The following ABCC4 variants were observed in gnomAD, a reference collection of about 807,000 sequenced individuals.
ABCC4 encodes ATP binding cassette subfamily C member 4 (PEL blood group).
ABCC4 carries 102 observed loss-of-function variants against 168.5 expected under a neutral mutation model. That is an observed-to-expected ratio of 0.61 (90% CI 0.52 to 0.71). The LOEUF (loss-of-function observed/expected upper bound fraction) is 0.71, where lower values mean the gene tolerates loss of function less well. ABCC4 is among the 30% of genes least tolerant of loss of function. ABCC4 has a pLI of 0.00. For missense variants in ABCC4, 1,402 were observed against 1,605.8 expected (o/e 0.87, Z 2.17); for synonymous variants, 617 against 590.7 (o/e 1.04, Z -0.65).
chr13:95,250,566 A>G (rs1395745171), intron 1 of ABCC4, among the ~76,000 whole-genome samples: 1 of 152,142 alleles, frequency 6.6e-6, no homozygotes, highest in African/African-American at 2.4e-5. Flanking sequence ...TGCCCAACAC[A>G]GGAAGCCATC....
At chr13:95,133,130 T>TTTG (rs2036029986) in intron 19 of ABCC4, among the ~76,000 whole-genome samples, 1 of 145,554 alleles carries the variant, frequency 6.9e-6, no homozygotes, top group African/African-American at 2.6e-5. Context: ...TTTTTTTTTT[T>TTTG]GGAGACAGAA....
intron 27 of ABCC4, among the ~76,000 whole-genome samples, chr13:95,048,952 G>A (rs138977285): frequency 3.8e-3 from 578 of 152,202 alleles, no homozygotes; most frequent in African/African-American, 0.013. Flanking sequence ...TTAGGGGCCC[G>A]AAGTGGCACT....
At chr13:95,022,602 A>G (rs2031155516) in intron 30 of ABCC4, among the ~76,000 whole-genome samples, 1 of 152,166 alleles carries the variant, frequency 6.6e-6, no homozygotes, top group Admixed American at 6.5e-5. Flanking sequence ...TTTTCCCCAA[A>G]GAAGAATGTG....
At chr13:95,053,814 T>A (rs2032939633) in intron 26 of ABCC4, 1 of 152,454 alleles carries the variant, frequency 6.6e-6, no homozygotes, top group African/African-American at 2.4e-5. Flanking sequence ...CTGTCTCTAC[T>A]AAAAATACAA....
At chr13:95,241,444 CA>C (rs1395300482) in intron 3 of ABCC4, among the ~76,000 whole-genome samples, 1 of 151,752 alleles carries the variant, frequency 6.6e-6, no homozygotes, top group Admixed American at 6.6e-5. Flanking sequence ...CAAAGACCAA[CA>C]AGCAGCATAG....
intron 20 of ABCC4, among the ~76,000 whole-genome samples, chr13:95,092,615 T>A (rs930965683): frequency 6.6e-6 from 1 of 151,962 alleles, no homozygotes; most frequent in East Asian, 1.9e-4. Context: ...AACACCTGCA[T>A]TGAAAAAGCT....
chr13:95,186,171 G>A (rs1226542880), intron 11 of ABCC4, among the ~76,000 whole-genome samples: 2 of 150,882 alleles, frequency 1.3e-5, no homozygotes, highest in African/African-American at 5.0e-5. Flanking sequence ...TTTCTTGAGT[G>A]AGATGTAATT....
At chr13:95,248,940 T>C (rs2040185449) in intron 1 of ABCC4, among the ~76,000 whole-genome samples, 1 of 152,116 alleles carries the variant, frequency 6.6e-6, no homozygotes, top group Non-Finnish European at 1.5e-5. Context: ...CTCGGGAAGC[T>C]GCGGCACAAG....
At chr13:95,171,224 A>G (rs2037463015) in intron 13 of ABCC4, among the ~76,000 whole-genome samples, 2 of 151,888 alleles carry the variant, frequency 1.3e-5, no homozygotes, top group Admixed American at 1.3e-4. Context: ...CATTAGTCCT[A>G]AACAGTCTGA....
chr13:95,055,362 C>T (rs2033013550), intron 26 of ABCC4, among the ~76,000 whole-genome samples: 1 of 152,088 alleles, frequency 6.6e-6, no homozygotes, highest in South Asian at 2.1e-4. Flanking sequence ...GATTTAGTAG[C>T]CTAAGTACAT....
Position 95,041,353 on chromosome 13 carries a change from C to T in ABCC4, c.3735+2329G>A, listed in dbSNP as rs559553810. Among the ~76,000 whole-genome samples, 24 of 152,296 alleles carry T rather than the reference C, an allele frequency of 1.6e-4. 1 individual carries two copies. In the South Asian group the frequency reaches 4.6e-3, roughly 29 times the overall value. ...ACATAAACAAAGCTATTAATTAGGT[C>T]GCAGTTGTTTCCCAACAAGCTTTTT... is the stretch of plus-strand genomic sequence containing the variant. On this transcript the variant is annotated intron_variant, in intron 29 of 30. Transcript: ENST00000645237.
chr13:95,274,749 C>T (rs1346628221), intron 1 of ABCC4, among the ~76,000 whole-genome samples: 1 of 152,174 alleles, frequency 6.6e-6, no homozygotes, highest in Non-Finnish European at 1.5e-5. Flanking sequence ...TCTGCCTCCT[C>T]CTGTGGCCAC....
intron 1 of ABCC4, 89 bp downstream of exon 1, chr13:95,301,152 G>T: frequency 7.7e-7 from 1 of 1,297,900 alleles, no homozygotes; most frequent in Non-Finnish European, 1.1e-6. Flanking sequence ...AGCCGCAGAG[G>T]GCTTGGGCAG....
chr13:95,235,818 C>T (rs1380658328), intron 3 of ABCC4, among the ~76,000 whole-genome samples: 1 of 152,172 alleles, frequency 6.6e-6, no homozygotes, highest in East Asian at 1.9e-4. Flanking sequence ...GAAGAACTGC[C>T]ACTTTGGCTC....
At chr13:95,040,993 G>A (rs776492222) in intron 29 of ABCC4, among the ~76,000 whole-genome samples, 5 of 152,184 alleles carry the variant, frequency 3.3e-5, no homozygotes, top group Admixed American at 6.5e-5. Context: ...TTGTAAGGAC[G>A]GGTGTGCAGG....
intron 21 of ABCC4, among the ~76,000 whole-genome samples, chr13:95,077,333 C>A (rs1452891098): frequency 6.6e-6 from 1 of 151,940 alleles, no homozygotes; most frequent in African/African-American, 2.4e-5. Flanking sequence ...GTTAAGATAA[C>A]TTTTTATTTA....
intron 27 of ABCC4, among the ~76,000 whole-genome samples, chr13:95,051,256 G>A (rs1446929376): frequency 6.6e-6 from 1 of 152,226 alleles, no homozygotes; most frequent in Non-Finnish European, 1.5e-5. Context: ...AGAATTACTG[G>A]CAGGAAACTG....
chr13:95,275,745 G>A (rs1303048279), intron 1 of ABCC4, among the ~76,000 whole-genome samples: 2 of 31,674 alleles, frequency 6.3e-5, no homozygotes, highest in African/African-American at 2.1e-4. Flanking sequence ...GTAAGTTTCT[G>A]TCTCAAAAAA....
chr13:95,025,584 A>G (rs1302575572), intron 30 of ABCC4, among the ~76,000 whole-genome samples: 1 of 150,270 alleles, frequency 6.7e-6, no homozygotes, highest in East Asian at 2.0e-4. Context: ...TTAGCCAGAA[A>G]CAAGGCCCTA....
Sources: allele counts gnomAD v4.1 joint callset (sites outside exome capture counted in the v4.1 genomes callset), GRCh38; gene constraint gnomAD v4.1.1; transcripts MANE v1.5; gene names NCBI Gene and HGNC (gene_info 2026-07-23, HGNC 2026-07-21).